The following UCKL1 variants were observed in gnomAD, a reference collection of about 807,000 sequenced individuals.
UCKL1 encodes the protein uridine-cytidine kinase 1 like 1.
UCKL1 carries 65 observed loss-of-function variants against 59.2 expected under a neutral mutation model. The observed-to-expected ratio is 1.10, with a 90% CI of 0.90 to 1.35. The LOEUF (loss-of-function observed/expected upper bound fraction) is 1.35. Ranked by LOEUF, UCKL1 falls within the 40% of genes most tolerant of loss-of-function variation. The pLI, the probability that UCKL1 is intolerant of heterozygous loss-of-function variation, is 0.00. For missense variants in UCKL1, 703 were observed against 784.3 expected (o/e 0.90, Z 1.24); for synonymous variants, 410 against 323.1 (o/e 1.27, Z -2.88).
At chr20:63,949,447 G>A (rs1208926663) in intron 1 of UCKL1, among the ~76,000 whole-genome samples, 1 of 152,198 alleles carries the variant, frequency 6.6e-6, no homozygotes, top group Non-Finnish European at 1.5e-5. Flanking sequence ...ACGGGACCCA[G>A]CAAACAGAAG....
chr20:63,956,362 G>A lies in UCKL1; in HGVS notation c.11C>T (p.Pro4Leu), dbSNP rs1024300861. 4 of 1,528,264 alleles carry A rather than the reference G, an allele frequency of 2.6e-6. No homozygotes were observed. The highest frequency in any genetic ancestry group is 1.9e-4 in the Middle Eastern group (1 of 5,324). 94.7% of individuals were successfully genotyped at this position (1,528,264 alleles called of 1,614,324 possible). A position where few individuals can be genotyped will look rare whatever the true frequency, so the allele number is the denominator to read the frequency against. The stretch of plus-strand genomic sequence containing the variant: ...AGGATCAGCGTCCGCGCGGGCCGGG[G>A]GCGCAGCCATGGCGCTCGGAGGCCT... MAA[P>L]PARADADPSP... The change falls in exon 1 of 15, where the codon CCC becomes CTC. Residue 4 changes from proline (P) to leucine (L), a missense_variant. Physicochemically the swap from Pro to Leu is moderately conservative, Grantham distance 98. Around this residue, in one of 4 missense-constraint regions of UCKL1, gnomAD observed 398 missense variants for 373.0 expected, o/e 1.07. Coordinates refer to ENST00000354216, the MANE Select transcript of UCKL1 (RefSeq NM_017859.4).
chr20:63,951,918 T>C (rs951764648), intron 1 of UCKL1, among the ~76,000 whole-genome samples: 1 of 152,160 alleles, frequency 6.6e-6, no homozygotes, highest in Non-Finnish European at 1.5e-5. Flanking sequence ...AGGTCAGCCA[T>C]GGGTGTCAGC....
intron 1 of UCKL1, among the ~76,000 whole-genome samples, chr20:63,947,593 C>A (rs531606948): frequency 6.6e-6 from 1 of 152,238 alleles, no homozygotes; most frequent in South Asian, 2.1e-4. Flanking sequence ...CTCGGCCTGG[C>A]CTCTCTGGCT....
chr20:63,951,322 C>A (rs557939665), intron 1 of UCKL1: 2 of 513,878 alleles, frequency 3.9e-6, no homozygotes, highest in African/African-American at 4.2e-5. Context: ...AGCCTAGGAC[C>A]GCAGGCCTGC....
chr20:63,940,597 G>T lies in UCKL1; in HGVS notation c.1299C>A (p.Pro433=). 1.2e-6 allele frequency: 2 copies of T among 1,608,062 alleles called. No individual in the cohort carries two copies. The highest frequency in any genetic ancestry group is 1.1e-5 in the South Asian group (1 of 91,028). Residue 433 remains proline (P), a synonymous_variant, in exon 12 of 15, where the codon CCC becomes CCA. Coordinates refer to ENST00000354216, the MANE Select transcript of UCKL1 (RefSeq NM_017859.4). ...LIQTNQLTGE[P]ELHYLRLPKD... ...CACCCCGGCTGCCCCCAGGCACCTC[G>T]GGCTCCCCGGTAAGCTGGTTGGTCT... is the stretch of plus-strand genomic sequence containing the variant.
At chr20:63,950,910 G>A in intron 1 of UCKL1, 2 of 1,409,372 alleles carry the variant, frequency 1.4e-6, no homozygotes, top group Non-Finnish European at 1.8e-6. Flanking sequence ...GGCAGCCGTG[G>A]GGGACATCAC....
At position 63,945,535 on chromosome 20, in the gene UCKL1, G is replaced by T. The variant is rs997969723; in HGVS notation, c.654+116C>A. The T allele has an allele frequency of 4.8e-5, 51 of 1,064,622 alleles. No homozygotes were observed. In the African/African-American group the frequency reaches 8.0e-4, roughly 17 times the overall value. The allele number at this position is 1,064,622 out of a possible 1,614,324, so 65.9% of individuals were successfully genotyped here. ...TTGGGGTTGGGGTAGGGAGTGGCTG[G>T]CCTAGGCCTATACAGTGTGGAGGCC... is the stretch of plus-strand genomic sequence containing the variant. On this transcript the variant is annotated intron_variant, in intron 5 of 14. Transcript: ENST00000354216.
intron 8 of UCKL1, chr20:63,942,561 G>A: frequency 3.1e-6 from 3 of 974,270 alleles, no homozygotes; most frequent in Non-Finnish European, 4.1e-6. Context: ...AGAGAAGGAA[G>A]AGAACAAAGA....
chr20:63,948,156 A>G (rs1388086291), intron 1 of UCKL1: 2 of 152,158 alleles, frequency 1.3e-5, no homozygotes, highest in Non-Finnish European at 2.9e-5. Context: ...CCTCAGCACC[A>G]TGTTTCAGGT....
Position 63,944,748 on chromosome 20 carries a change from C to T in UCKL1, c.655-14G>A, listed in dbSNP as rs199645503. ...CATGTCCAGGAGCTGGTGGAGACAG[C>T]GGGCCAGTGAGTGGCCAGATGCCAG... On this transcript the variant is annotated splice_polypyrimidine_tract_variant and intron_variant, in intron 5 of 14. Transcript: ENST00000354216. The T allele has an allele frequency of 8.9e-5, 144 of 1,611,190 alleles. No individual in the cohort carries two copies. In the East Asian group the frequency reaches 2.0e-3, roughly 22 times the overall value.
At position 63,956,383 on chromosome 20, in the gene UCKL1, G is replaced by A. The variant is rs544459116; in HGVS notation, c.-11C>T. 1.4e-6 allele frequency: 2 copies of A among 1,476,802 alleles called. No homozygotes were observed. Among genetic ancestry groups the A allele is most frequent in the African/African-American group, 1.5e-5 (1 of 68,860 alleles). The allele number at this position is 1,476,802 out of a possible 1,614,324, so 91.5% of individuals were successfully genotyped here. A position where few individuals can be genotyped will look rare whatever the true frequency, so the allele number is the denominator to read the frequency against. On this transcript the variant is annotated 5_prime_UTR_variant, in exon 1 of 15. Transcript: ENST00000354216. The stretch of plus-strand genomic sequence containing the variant: ...CGGGGGCGCAGCCATGGCGCTCGGA[G>A]GCCTCTTTGCGGGCCTGGCCGGGCG...
At chr20:63,946,132 G>C in intron 3 of UCKL1, 29 bp downstream of exon 3, 1 of 1,609,876 alleles carries the variant, frequency 6.2e-7, no homozygotes, top group Non-Finnish European at 8.5e-7. Context: ...GGACAAAGGG[G>C]TCCTCGGGGG....
At chr20:63,947,176 C>T (rs985687239) in intron 1 of UCKL1, among the ~76,000 whole-genome samples, 4 of 152,146 alleles carry the variant, frequency 2.6e-5, no homozygotes, top group African/African-American at 7.2e-5. Context: ...CATCACTGTC[C>T]ACACAGCAAG....
intron 5 of UCKL1, 92 bp downstream of exon 5, chr20:63,945,559 C>G: frequency 7.4e-7 from 1 of 1,345,778 alleles, no homozygotes; most frequent in Non-Finnish European, 1.0e-6. Context: ...AGTGTGGAGG[C>G]CTTGGGGACA....
Position 63,945,861 on chromosome 20 carries a change from TC to T in UCKL1, c.525del (p.Lys176ArgfsTer47), listed in dbSNP as rs1380848749. 1.9e-6 allele frequency: 3 copies of T among 1,613,722 alleles called. No homozygotes were observed. The highest frequency in any genetic ancestry group is 4.5e-5 in the East Asian group (2 of 44,864). On this transcript the variant is annotated frameshift_variant, in exon 4 of 15. Coordinates refer to ENST00000354216, the MANE Select transcript of UCKL1 (RefSeq NM_017859.4). LOFTEE classifies it high-confidence loss of function. ...IISTLKKLKQGKSVKVPIYDF... is the reference protein window; with the variant it reads ...IISTLKKLKQXKSVKVPIYDF... ...TCATAAATGGGCACCTTGACACTCTTCCCCTGCTTCAGCTTCTTGAGGGTGG... is the reference window on the plus strand; with the variant it reads ...TCATAAATGGGCACCTTGACACTCTTCCCTGCTTCAGCTTCTTGAGGGTGG...
At chr20:63,947,406 G>A (rs2056534495) in intron 1 of UCKL1, among the ~76,000 whole-genome samples, 1 of 152,254 alleles carries the variant, frequency 6.6e-6, no homozygotes, top group Non-Finnish European at 1.5e-5. Flanking sequence ...GCTGAAGGCT[G>A]GGTGCCCAAG....
intron 1 of UCKL1, among the ~76,000 whole-genome samples, chr20:63,952,265 C>T (rs956255645): frequency 5.3e-5 from 8 of 152,212 alleles, no homozygotes; most frequent in African/African-American, 1.2e-4. Flanking sequence ...AGAGTGGACG[C>T]AGACTGGTCT....
chr20:63,940,566 G>C (rs758723000), intron 12 of UCKL1, 28 bp downstream of exon 12: 3 of 1,605,120 alleles, frequency 1.9e-6, no homozygotes, highest in African/African-American at 1.3e-5. Context: ...CTACCCCCGG[G>C]CTCATCACCC....
At chr20:63,943,617 T>G (rs1442806391) in intron 8 of UCKL1, 36 bp downstream of exon 8, 1 of 1,612,430 alleles carries the variant, frequency 6.2e-7, no homozygotes, top group Non-Finnish European at 8.5e-7. Context: ...GTGTTGGAAG[T>G]GCCTCCATCT....
Sources: allele counts gnomAD v4.1 joint callset (sites outside exome capture counted in the v4.1 genomes callset), GRCh38; gene constraint gnomAD v4.1.1; regional missense constraint gnomAD v4.1.1; transcripts MANE v1.5; gene names NCBI Gene and HGNC (gene_info 2026-07-23, HGNC 2026-07-21).